The following LGSN variants were observed in gnomAD, a reference collection of about 807,000 sequenced individuals.
LGSN encodes lengsin.
LGSN carries 21 observed loss-of-function variants against 19.5 expected under a neutral mutation model. The ratio of observed to expected loss-of-function variants is 1.07; its 90% CI spans 0.76 to 1.55. The LOEUF (loss-of-function observed/expected upper bound fraction) is 1.55. Ranked by LOEUF, LGSN falls within the 40% of genes most tolerant of loss-of-function variation. The pLI is 0.00. For synonymous variants in LGSN, 257 were observed against 215.6 expected (o/e 1.19, Z -1.68); for missense variants, 673 against 608.5 (o/e 1.11, Z -1.12).
intron 1 of LGSN, among the ~76,000 whole-genome samples, chr6:63,318,944 A>G (rs1366381865): frequency 6.6e-6 from 1 of 152,242 alleles, no homozygotes; most frequent in Non-Finnish European, 1.5e-5. Context: ...TAAATTCATT[A>G]TAATCACATA....
At chr6:63,549,292 AC>A in the LGSN span, 1 of 754,058 alleles carries the variant, frequency 1.3e-6, no homozygotes, top group African/African-American at 1.7e-5. Flanking sequence ...ACTTTCAGCC[AC>A]TTACAGAGGA....
the LGSN span, among the ~76,000 whole-genome samples, chr6:63,387,273 C>A: frequency 6.6e-6 from 1 of 152,032 alleles, no homozygotes; most frequent in African/African-American, 2.4e-5. Flanking sequence ...TGAATTCAAC[C>A]AACCATAGAT....
At chr6:63,412,761 A>AAGAAAG in the LGSN span, among the ~76,000 whole-genome samples, 226 of 20,090 alleles carry the variant, frequency 0.011, 15 homozygotes, top group African/African-American at 0.051. Context: ...GAAAGAAAGA[A>AAGAAAG]AGAAAGAAAG....
At chr6:63,569,454 A>C in the LGSN span, among the ~76,000 whole-genome samples, 2 of 152,024 alleles carry the variant, frequency 1.3e-5, no homozygotes, top group African/African-American at 4.8e-5. Flanking sequence ...GATGGGTTTC[A>C]CCATGTTGAC....
chr6:63,431,270 G>A, the LGSN span, among the ~76,000 whole-genome samples: 1 of 152,250 alleles, frequency 6.6e-6, no homozygotes, highest in African/African-American at 2.4e-5. Flanking sequence ...TCCACATTCA[G>A]GCCGTTCAAA....
At chr6:63,514,472 C>A in the LGSN span, among the ~76,000 whole-genome samples, 2 of 152,210 alleles carry the variant, frequency 1.3e-5, no homozygotes, top group African/African-American at 4.8e-5. Context: ...AAGTGTCCGC[C>A]CACCTCGGCC....
At chr6:63,468,249 C>G in the LGSN span, among the ~76,000 whole-genome samples, 1 of 152,074 alleles carries the variant, frequency 6.6e-6, no homozygotes, top group Admixed American at 6.6e-5. Context: ...CTGCCTCAGC[C>G]TCCTGAGTAG....
At chr6:63,402,102 G>T in the LGSN span, among the ~76,000 whole-genome samples, 3 of 152,196 alleles carry the variant, frequency 2.0e-5, no homozygotes, top group African/African-American at 7.2e-5. Flanking sequence ...GAAGGTGGAT[G>T]TGGAAGTTTG....
chr6:63,560,144 C>G, the LGSN span, among the ~76,000 whole-genome samples: 2 of 151,910 alleles, frequency 1.3e-5, no homozygotes, highest in Non-Finnish European at 2.9e-5. Context: ...AAAGTACCAG[C>G]CTGGCAAACA....
At chr6:63,367,996 C>G in the LGSN span, among the ~76,000 whole-genome samples, 1 of 151,034 alleles carries the variant, frequency 6.6e-6, no homozygotes, top group Non-Finnish European at 1.5e-5. Context: ...ATGTAAATGA[C>G]GAGTTAAGGG....
At chr6:63,482,920 C>T in the LGSN span, among the ~76,000 whole-genome samples, 1 of 152,092 alleles carries the variant, frequency 6.6e-6, no homozygotes, top group South Asian at 2.1e-4. Flanking sequence ...AGGCTGGTCT[C>T]GAACTCCTGG....
At chr6:63,443,314 G>A in the LGSN span, 72,746 of 152,696 alleles carry the variant, frequency 0.48, 18,349 homozygotes, top group Non-Finnish European at 0.53. Context: ...TGCCACCCGC[G>A]CCTCTCCTTC....
the LGSN span, among the ~76,000 whole-genome samples, chr6:63,374,411 C>A: frequency 6.6e-6 from 1 of 152,050 alleles, no homozygotes; most frequent in Non-Finnish European, 1.5e-5. Flanking sequence ...AGAAGGGTAA[C>A]GCCACTACAG....
the LGSN span, among the ~76,000 whole-genome samples, chr6:63,470,933 C>CTT: frequency 6.7e-3 from 492 of 73,014 alleles, no homozygotes; most frequent in Middle Eastern, 0.011. Context: ...TTCAGTCTTT[C>CTT]TTTTTTTTTT....
chr6:63,380,660 T>C, the LGSN span, among the ~76,000 whole-genome samples: 1 of 152,226 alleles, frequency 6.6e-6, no homozygotes, highest in African/African-American at 2.4e-5. Context: ...TTGTTCATTG[T>C]GGCATCAAAA....
the LGSN span, among the ~76,000 whole-genome samples, chr6:63,352,636 GTCTC>G: frequency 1.5e-4 from 22 of 148,284 alleles, no homozygotes; most frequent in African/African-American, 3.2e-4. Flanking sequence ...ACTCCAGTCT[GTCTC>G]TCTCTCTCTC....
the LGSN span, among the ~76,000 whole-genome samples, chr6:63,346,623 C>T: frequency 6.6e-6 from 1 of 152,138 alleles, no homozygotes; most frequent in Non-Finnish European, 1.5e-5. Flanking sequence ...AGGAGGGAGT[C>T]ATGTGAATCC....
chr6:63,532,032 C>A, the LGSN span, among the ~76,000 whole-genome samples: 1 of 152,238 alleles, frequency 6.6e-6, no homozygotes, highest in African/African-American at 2.4e-5. Context: ...AACTCTTGAC[C>A]TTGTGATACA....
At chr6:63,478,112 T>A in the LGSN span, among the ~76,000 whole-genome samples, 1 of 152,260 alleles carries the variant, frequency 6.6e-6, no homozygotes, top group Non-Finnish European at 1.5e-5. Context: ...GTTTTATATA[T>A]CTTATACTGT....
Sources: allele counts gnomAD v4.1 joint callset (sites outside exome capture counted in the v4.1 genomes callset), GRCh38; gene constraint gnomAD v4.1.1; transcripts MANE v1.5; gene names NCBI Gene and HGNC (gene_info 2026-07-23, HGNC 2026-07-21).